Variants in RPS6KC1 observed in about 807,000 individuals in gnomAD.
RPS6KC1 encodes the protein inactive ribosomal protein S6 kinase delta-1.
Under a neutral mutation model 103.8 loss-of-function variants are expected in RPS6KC1, and 54 were observed. The observed-to-expected ratio is 0.52, with a 90% CI of 0.42 to 0.65. RPS6KC1 has a LOEUF of 0.65. Among genes scored for constraint, RPS6KC1 ranks in the 30% least tolerant of loss-of-function variants. RPS6KC1 has a pLI of 0.00. For missense variants in RPS6KC1, 1,151 were observed against 1,253.8 expected, an observed-to-expected ratio of 0.92 and a Z score of 1.24; for synonymous variants, 439 against 438.7, an observed-to-expected ratio of 1.00 and a Z score of -0.01.
At chr1:213,325,192 GC>G in the RPS6KC1 span, among the ~76,000 whole-genome samples, 4 of 152,118 alleles carry the variant, frequency 2.6e-5, no homozygotes, top group African/African-American at 4.8e-5. Context: ...GGAGCCATTT[GC>G]ATTTGGTTGG....
At chr1:213,697,148 A>G in the RPS6KC1 span, among the ~76,000 whole-genome samples, 1 of 152,250 alleles carries the variant, frequency 6.6e-6, no homozygotes, top group Non-Finnish European at 1.5e-5. Flanking sequence ...AGAGATGCAC[A>G]GGGCAGCATA....
the RPS6KC1 span, among the ~76,000 whole-genome samples, chr1:213,602,181 T>TCTTTCTTTC: frequency 2.5e-4 from 28 of 112,182 alleles, 1 homozygote; most frequent in African/African-American, 1.0e-3. Flanking sequence ...TTTCTTTCTT[T>TCTTTCTTTC]CTTTCTTTTT....
At chr1:213,280,061 T>A in the RPS6KC1 span, among the ~76,000 whole-genome samples, 1 of 152,180 alleles carries the variant, frequency 6.6e-6, no homozygotes, top group African/African-American at 2.4e-5. Context: ...ATGTTTTGAG[T>A]TTGAAGACAT....
the RPS6KC1 span, among the ~76,000 whole-genome samples, chr1:213,770,171 G>A: frequency 6.6e-6 from 1 of 152,138 alleles, no homozygotes; most frequent in Non-Finnish European, 1.5e-5. Context: ...TTTTATAGAT[G>A]AGAAAACCAA....
chr1:213,606,794 T>C, the RPS6KC1 span, among the ~76,000 whole-genome samples: 16 of 152,234 alleles, frequency 1.1e-4, no homozygotes, highest in African/African-American at 3.9e-4. Flanking sequence ...ATCAAGGTTT[T>C]AAATTCTGTA....
At chr1:213,821,434 A>G in the RPS6KC1 span, 1 of 151,690 alleles carries the variant, frequency 6.6e-6, no homozygotes, top group Non-Finnish European at 1.5e-5. Flanking sequence ...CCCAAAGTTC[A>G]GCTCCACAGT....
the RPS6KC1 span, among the ~76,000 whole-genome samples, chr1:213,290,298 A>G: frequency 2.6e-5 from 4 of 152,212 alleles, no homozygotes; most frequent in Non-Finnish European, 1.5e-5. Context: ...TGGGGTTGCC[A>G]GTTGCCAACC....
At chr1:213,219,831 G>C (rs973673229) in intron 8 of RPS6KC1, among the ~76,000 whole-genome samples, 1 of 145,452 alleles carries the variant, frequency 6.9e-6, no homozygotes, top group East Asian at 2.1e-4. Context: ...CACAGGAAGG[G>C]GAACATCACA....
intron 5 of RPS6KC1, among the ~76,000 whole-genome samples, chr1:213,121,750 AC>A (rs2084411037): frequency 6.6e-6 from 1 of 152,154 alleles, no homozygotes; most frequent in South Asian, 2.1e-4. Flanking sequence ...TCTTCCTAAT[AC>A]ATCACTTTTC....
the RPS6KC1 span, among the ~76,000 whole-genome samples, chr1:213,507,337 G>C: frequency 2.6e-5 from 4 of 152,148 alleles, no homozygotes; most frequent in African/African-American, 9.7e-5. Context: ...GCAGCGCAGG[G>C]TGGGGGGCTG....
intron 8 of RPS6KC1, among the ~76,000 whole-genome samples, chr1:213,203,425 T>C (rs2093234974): frequency 6.6e-6 from 1 of 152,196 alleles, no homozygotes; most frequent in Non-Finnish European, 1.5e-5. Context: ...TGGATTTCAC[T>C]GTCATTTTAA....
the RPS6KC1 span, among the ~76,000 whole-genome samples, chr1:213,447,062 A>G: frequency 4.6e-5 from 7 of 151,838 alleles, no homozygotes; most frequent in Admixed American, 1.3e-4. Context: ...CAATACACAT[A>G]TGATGCCAGT....
chr1:213,055,986 G>A (rs541346815), intron 1 of RPS6KC1, among the ~76,000 whole-genome samples: 9 of 152,226 alleles, frequency 5.9e-5, no homozygotes, highest in African/African-American at 2.2e-4. Context: ...CTTACTGCAG[G>A]TTGAACTCTT....
At chr1:213,638,064 C>G in the RPS6KC1 span, among the ~76,000 whole-genome samples, 1 of 152,008 alleles carries the variant, frequency 6.6e-6, no homozygotes, top group Non-Finnish European at 1.5e-5. Flanking sequence ...AGCAATCCTC[C>G]TACCTCAGCC....
At chr1:213,629,407 C>G in the RPS6KC1 span, among the ~76,000 whole-genome samples, 1 of 151,974 alleles carries the variant, frequency 6.6e-6, no homozygotes, top group South Asian at 2.1e-4. Flanking sequence ...GATTGCAACC[C>G]CTGCCTTTTT....
At chr1:213,441,967 C>T in the RPS6KC1 span, among the ~76,000 whole-genome samples, 6 of 152,194 alleles carry the variant, frequency 3.9e-5, no homozygotes, top group East Asian at 1.2e-3. Flanking sequence ...TAAATTTATA[C>T]AGTTATAAAC....
At chr1:213,332,029 TAAA>T in the RPS6KC1 span, among the ~76,000 whole-genome samples, 2 of 133,380 alleles carry the variant, frequency 1.5e-5, no homozygotes, top group Non-Finnish European at 1.6e-5. Context: ...CACAAGATCT[TAAA>T]AAAAAAAAAA....
the RPS6KC1 span, among the ~76,000 whole-genome samples, chr1:213,671,652 C>T: frequency 5.3e-5 from 8 of 152,194 alleles, no homozygotes; most frequent in South Asian, 2.1e-4. Context: ...GGCATGGTGG[C>T]GCATGCCTGT....
intron 6 of RPS6KC1, among the ~76,000 whole-genome samples, chr1:213,139,742 T>C (rs1225653930): frequency 6.6e-6 from 1 of 152,110 alleles, no homozygotes; most frequent in African/African-American, 2.4e-5. Context: ...TTTTTGTTAC[T>C]ATAGCCTTGT....
Sources: gnomAD v4.1 joint callset for allele counts (sites outside exome capture counted in the v4.1 genomes callset) on GRCh38, gnomAD v4.1.1 for gene constraint, MANE v1.5 for transcripts, NCBI Gene and HGNC (gene_info 2026-07-23, HGNC 2026-07-21) for gene names.